The following PTPRD variants were observed in gnomAD, a reference collection of about 807,000 sequenced individuals.
PTPRD encodes the protein protein tyrosine phosphatase receptor type D.
In PTPRD, 34 loss-of-function variants were observed where a neutral mutation model predicts 214.5. The ratio of observed to expected loss-of-function variants is 0.16; its 90% CI spans 0.12 to 0.21. The LOEUF (loss-of-function observed/expected upper bound fraction) is 0.21. Among genes scored for constraint, PTPRD ranks in the 10% least tolerant of loss-of-function variants. The probability of loss-of-function intolerance (pLI) is 1.00; values close to 1 mark genes in which losing one functional copy is unlikely to be tolerated. For synonymous variants in PTPRD, 1,128 were observed against 845.7 expected (o/e 1.33, Z -5.79); for missense variants, 2,545 against 2,398.7 (o/e 1.06, Z -1.27).
At chr9:8,425,101 C>G (rs558898145) in intron 35 of PTPRD, among the ~76,000 whole-genome samples, 2 of 152,160 alleles carry the variant, frequency 1.3e-5, no homozygotes, top group African/African-American at 4.8e-5. Flanking sequence ...AAAACCATGA[C>G]AAATAATACT....
chr9:9,457,442 A>G (rs909906979), intron 8 of PTPRD, among the ~76,000 whole-genome samples: 6 of 151,980 alleles, frequency 3.9e-5, no homozygotes, highest in Non-Finnish European at 8.8e-5. Context: ...TGAAAAATAT[A>G]ATTCTGTGTT....
chr9:8,417,637 C>G (rs1029422139), intron 35 of PTPRD, among the ~76,000 whole-genome samples: 1 of 152,082 alleles, frequency 6.6e-6, no homozygotes, highest in East Asian at 1.9e-4. Flanking sequence ...AGTCTGAACA[C>G]AGAAAAAGTA....
chr9:8,709,831 T>C (rs1366742095), intron 12 of PTPRD, among the ~76,000 whole-genome samples: 2 of 152,124 alleles, frequency 1.3e-5, no homozygotes, highest in Non-Finnish European at 2.9e-5. Flanking sequence ...TTTGGTGTGC[T>C]AAGGGAAAGG....
chr9:9,108,432 T>C (rs2099801662), intron 10 of PTPRD, among the ~76,000 whole-genome samples: 2 of 152,154 alleles, frequency 1.3e-5, no homozygotes, highest in Admixed American at 1.3e-4. Context: ...AAACAATCCA[T>C]GGTAACAAAT....
In PTPRD at chr9:10,040,529, A is replaced by T. The variant is rs980799853; in HGVS notation, c.-544-6739T>A. 7.2e-5 allele frequency among the ~76,000 whole-genome samples: 11 copies of T among 152,114 alleles called. 1 individual carries two copies. The highest frequency in any genetic ancestry group is 2.2e-4 in the African/African-American group (9 of 41,532). On this transcript the variant is annotated intron_variant, in intron 3 of 45. Coordinates refer to ENST00000381196, the MANE Select transcript of PTPRD (RefSeq NM_002839.4). Reference sequence around the variant, plus strand: ...TTGTTTTTCCAAATAACCATTAGTGATCCTCTCAACAGACTATCCAGCTAT... The same window carrying T: ...TTGTTTTTCCAAATAACCATTAGTGTTCCTCTCAACAGACTATCCAGCTAT...
chr9:8,454,488 C>A, intron 33 of PTPRD: 1 of 1,361,694 alleles, frequency 7.3e-7, no homozygotes, highest in Non-Finnish European at 1.0e-6. Flanking sequence ...CTTTTGTGTG[C>A]AGCCCCGCCC....
chr9:9,949,699 C>CT (rs2093238739), intron 4 of PTPRD, among the ~76,000 whole-genome samples: 1 of 152,062 alleles, frequency 6.6e-6, no homozygotes, highest in Non-Finnish European at 1.5e-5. Flanking sequence ...AACAAACTAA[C>CT]AACAACAACA....
chr9:9,954,769 T>C (rs189397791), intron 4 of PTPRD, among the ~76,000 whole-genome samples: 145 of 152,174 alleles, frequency 9.5e-4, no homozygotes, highest in Non-Finnish European at 1.7e-3. Context: ...TATAGAAACA[T>C]AGATTAATAC....
intron 7 of PTPRD, among the ~76,000 whole-genome samples, chr9:9,619,518 T>C (rs965747301): frequency 2.7e-5 from 4 of 146,354 alleles, no homozygotes; most frequent in African/African-American, 7.4e-5. Flanking sequence ...ATAAATATAA[T>C]ATATAAATGA....
At chr9:10,365,225 C>T (rs751924037) in intron 2 of PTPRD, among the ~76,000 whole-genome samples, 2 of 152,156 alleles carry the variant, frequency 1.3e-5, no homozygotes, top group African/African-American at 4.8e-5. Context: ...CACATACAGT[C>T]TTTCCACTTG....
intron 11 of PTPRD, among the ~76,000 whole-genome samples, chr9:8,911,254 C>T (rs935474962): frequency 2.0e-5 from 3 of 152,078 alleles, no homozygotes. Flanking sequence ...ACATATAGAC[C>T]ATTAGAACCG....
intron 35 of PTPRD, among the ~76,000 whole-genome samples, chr9:8,429,099 A>G (rs748608726): frequency 3.9e-5 from 6 of 152,224 alleles, no homozygotes; most frequent in Non-Finnish European, 8.8e-5. Context: ...ATAGTCATGC[A>G]ATGGAAATTG....
At chr9:8,728,492 A>G (rs543829686) in intron 12 of PTPRD, among the ~76,000 whole-genome samples, 1 of 152,306 alleles carries the variant, frequency 6.6e-6, no homozygotes, top group African/African-American at 2.4e-5. Context: ...GCCACCACAC[A>G]TGGCAAAAAC....
intron 9 of PTPRD, among the ~76,000 whole-genome samples, chr9:9,281,279 T>A (rs1027750915): frequency 2.0e-5 from 3 of 151,174 alleles, no homozygotes; most frequent in African/African-American, 4.8e-5. Flanking sequence ...ATTAAATACT[T>A]CTGCTCTGCA....
chr9:8,902,883 T>G (rs1291222047), intron 11 of PTPRD, among the ~76,000 whole-genome samples: 2 of 152,164 alleles, frequency 1.3e-5, no homozygotes, highest in African/African-American at 4.8e-5. Flanking sequence ...CTATTTCTGT[T>G]AAGATTTTTC....
chr9:9,547,203 C>G (rs532112832), intron 8 of PTPRD, among the ~76,000 whole-genome samples: 109 of 152,088 alleles, frequency 7.2e-4, no homozygotes, highest in Admixed American at 1.6e-3. Context: ...GATTTTGTAG[C>G]CAATAACAAT....
intron 6 of PTPRD, among the ~76,000 whole-genome samples, chr9:9,758,961 G>T (rs541563700): frequency 6.6e-6 from 1 of 152,280 alleles, no homozygotes; most frequent in South Asian, 2.1e-4. Flanking sequence ...AAGGTAGCAA[G>T]TATGTTACCC....
Position 9,905,324 on chromosome 9 carries a change from T to A in PTPRD, c.-368+33183A>T, listed in dbSNP as rs552153505. ...AATCAGAATTATATTTCAGGTAGAG[T>A]TTTAAATAATTAGCTCAATTGTTGT... On this transcript the variant is annotated intron_variant, in intron 5 of 45. Transcript: ENST00000381196. Among the ~76,000 whole-genome samples, 34 of 151,868 alleles carry A rather than the reference T, an allele frequency of 2.2e-4. 1 individual carries two copies. Among genetic ancestry groups the A allele is most frequent in the Non-Finnish European group, 2.8e-4 (19 of 67,864 alleles).
At chr9:10,506,175 T>C (rs2045898246) in intron 2 of PTPRD, among the ~76,000 whole-genome samples, 1 of 152,028 alleles carries the variant, frequency 6.6e-6, no homozygotes, top group South Asian at 2.1e-4. Context: ...TAAGGGGAAA[T>C]GGATACTTTT....
Sources: allele counts gnomAD v4.1 joint callset (sites outside exome capture counted in the v4.1 genomes callset), GRCh38; gene constraint gnomAD v4.1.1; transcripts MANE v1.5; gene names NCBI Gene and HGNC (gene_info 2026-07-23, HGNC 2026-07-21).